The following KMT2C variants were observed in gnomAD, a reference collection of about 807,000 sequenced individuals.
KMT2C encodes histone-lysine N-methyltransferase 2C.
KMT2C carries 88 observed loss-of-function variants against 507.9 expected under a neutral mutation model. The ratio of observed to expected loss-of-function variants is 0.17; its 90% CI spans 0.15 to 0.21. The LOEUF is 0.21. Ranked by LOEUF, KMT2C falls within the 10% of genes least tolerant of loss-of-function variation. The pLI, the probability that KMT2C is intolerant of heterozygous loss-of-function variation, is 1.00. For missense variants in KMT2C, 4,954 were observed against 5,957.8 expected (o/e 0.83, Z 5.55); for synonymous variants, 2,049 against 2,080.8 (o/e 0.98, Z 0.42).
chr7:152,292,132 T>C (rs1362343819), intron 6 of KMT2C, among the ~76,000 whole-genome samples: 2 of 152,214 alleles, frequency 1.3e-5, no homozygotes, highest in Non-Finnish European at 2.9e-5. Context: ...TATATTCTTT[T>C]AGCACAGCCA....
At chr7:152,255,157 A>ATATGTG (rs767823858) in intron 9 of KMT2C, among the ~76,000 whole-genome samples, 25 of 128,368 alleles carry the variant, frequency 1.9e-4, no homozygotes, top group African/African-American at 7.3e-4. Flanking sequence ...ATATATATAT[A>ATATGTG]TGTGTGTGTG....
chr7:152,225,067 T>C (rs752439124), intron 18 of KMT2C, among the ~76,000 whole-genome samples: 1 of 152,210 alleles, frequency 6.6e-6, no homozygotes, highest in African/African-American at 2.4e-5. Flanking sequence ...TTTATGATCT[T>C]AGAGGATTTC....
chr7:152,183,983 A>T (rs896231582), intron 34 of KMT2C, among the ~76,000 whole-genome samples: 4 of 151,792 alleles, frequency 2.6e-5, no homozygotes, highest in Non-Finnish European at 5.9e-5. Context: ...GGGGCAGGAG[A>T]ATCGCTTGAA....
intron 2 of KMT2C, among the ~76,000 whole-genome samples, chr7:152,343,542 G>C (rs183328733): frequency 2.1e-4 from 31 of 150,416 alleles, no homozygotes; most frequent in Non-Finnish European, 3.3e-4. Flanking sequence ...CAAAAGAGAG[G>C]AAGAAGAAGA....
At chr7:152,221,326 C>T (rs1368992195) in intron 22 of KMT2C, among the ~76,000 whole-genome samples, 1 of 152,170 alleles carries the variant, frequency 6.6e-6, no homozygotes, top group African/African-American at 2.4e-5. Context: ...CAACTAAATG[C>T]AATGCTCAGC....
intron 3 of KMT2C, among the ~76,000 whole-genome samples, chr7:152,319,314 A>G (rs1355328138): frequency 1.3e-5 from 2 of 152,154 alleles, no homozygotes; most frequent in Non-Finnish European, 2.9e-5. Flanking sequence ...TTATTCCAAT[A>G]TTATAATAAT....
intron 1 of KMT2C, among the ~76,000 whole-genome samples, chr7:152,399,648 TTTGGTTA>T (rs2097559479): frequency 6.6e-6 from 1 of 151,942 alleles, no homozygotes; most frequent in Non-Finnish European, 1.5e-5. Context: ...TCAGCAGATA[TTTGGTTA>T]AAAGCCTACA....
intron 55 of KMT2C, among the ~76,000 whole-genome samples, chr7:152,141,972 A>C (rs1258549894): frequency 6.6e-6 from 1 of 152,114 alleles, no homozygotes; most frequent in East Asian, 1.9e-4. Context: ...CAGTGAGCTG[A>C]GATTGTGCCA....
At chr7:152,430,164 T>C (rs1481437218) in intron 1 of KMT2C, among the ~76,000 whole-genome samples, 1 of 143,390 alleles carries the variant, frequency 7.0e-6, no homozygotes, top group Non-Finnish European at 1.5e-5. Flanking sequence ...GGCAAGAGAG[T>C]GAGACTGTCT....
chr7:152,256,722 C>G (rs111280786), intron 9 of KMT2C, among the ~76,000 whole-genome samples: 3 of 152,040 alleles, frequency 2.0e-5, no homozygotes, highest in Non-Finnish European at 4.4e-5. Context: ...AGACAATTCA[C>G]GAGAAGAAAT....
intron 14 of KMT2C, among the ~76,000 whole-genome samples, chr7:152,244,813 T>G (rs1352237796): frequency 1.3e-5 from 2 of 152,206 alleles, no homozygotes; most frequent in African/African-American, 4.8e-5. Context: ...AGGTTCTAAA[T>G]CATACATTTG....
At chr7:152,186,355 C>A (rs1397040569) in intron 33 of KMT2C, among the ~76,000 whole-genome samples, 3 of 152,104 alleles carry the variant, frequency 2.0e-5, no homozygotes, top group Non-Finnish European at 4.4e-5. Context: ...TGTGCTGACA[C>A]AAAATGACAA....
chr7:152,360,815 C>G (rs1157927417), intron 1 of KMT2C, among the ~76,000 whole-genome samples: 1 of 151,252 alleles, frequency 6.6e-6, no homozygotes, highest in African/African-American at 2.4e-5. Flanking sequence ...CACCACTGCA[C>G]TCCAGCCTGG....
rs992402398 is a variant in KMT2C at position 152,177,751 on chromosome 7, C to T, written c.7702G>A (p.Gly2568Arg). ...YIELRHRAPD[G>R]RQRLPFSAPP... is the part of the protein sequence containing the mutation. ...GCACTGAAAGGCAGCCGTTGCCTTC[C>T]GTCAGGAGCCCTATGTCTCAGTTCA... The change falls in exon 38 of 59, where the codon GGA (glycine) becomes AGA (arginine). Residue 2568 changes from glycine to arginine, a missense_variant. Physicochemically the swap from Gly to Arg is moderately radical, Grantham distance 125. Transcript: ENST00000262189. The T allele has an allele frequency of 8.1e-6, 13 of 1,613,942 alleles. No homozygotes were observed. Among genetic ancestry groups the T allele is most frequent in the African/African-American group, 1.3e-5 (1 of 74,872 alleles).
At chr7:152,425,922 C>G (rs1198981874) in intron 1 of KMT2C, among the ~76,000 whole-genome samples, 1 of 152,028 alleles carries the variant, frequency 6.6e-6, no homozygotes. Flanking sequence ...ACAAGTCTCA[C>G]TGAGGGAGGC....
intron 1 of KMT2C, among the ~76,000 whole-genome samples, chr7:152,410,611 A>T (rs1404368355): frequency 6.8e-6 from 1 of 147,320 alleles, no homozygotes; most frequent in Non-Finnish European, 1.5e-5. Context: ...GTTTTAATTT[A>T]TATATATTAT....
rs543715532 is a variant in KMT2C at position 152,370,768 on chromosome 7, C to T, written c.162-12093G>A. Among the ~76,000 whole-genome samples, 9 of 152,300 alleles carry T rather than the reference C, an allele frequency of 5.9e-5. No individual in the cohort carries two copies. In the East Asian group the frequency reaches 9.6e-4, roughly 16 times the overall value. ...GTCTAAATCACTGGTCAGCAAACTA[C>T]GGTCCAGAGGCCAAATCCAGTCCTG... On this transcript the variant is annotated intron_variant, in intron 1 of 58. Coordinates refer to ENST00000262189, the MANE Select transcript of KMT2C (RefSeq NM_170606.3).
At chr7:152,303,241 C>T (rs2096587045) in intron 6 of KMT2C, among the ~76,000 whole-genome samples, 1 of 152,086 alleles carries the variant, frequency 6.6e-6, no homozygotes, top group Non-Finnish European at 1.5e-5. Context: ...TGTTAACAAC[C>T]GAGGAAATTA....
At chr7:152,255,273 C>T (rs2095642446) in intron 9 of KMT2C, among the ~76,000 whole-genome samples, 2 of 150,674 alleles carry the variant, frequency 1.3e-5, no homozygotes, top group Non-Finnish European at 3.0e-5. Context: ...CTCAAGTGAT[C>T]CTCTCACCTC....
Sources: allele counts gnomAD v4.1 joint callset (sites outside exome capture counted in the v4.1 genomes callset), GRCh38; gene constraint gnomAD v4.1.1; transcripts MANE v1.5; gene names NCBI Gene and HGNC (gene_info 2026-07-23, HGNC 2026-07-21).